PTPRD: variants seen among roughly 807,000 people sequenced by gnomAD.
The protein encoded by PTPRD is receptor-type tyrosine-protein phosphatase delta.
In PTPRD, 34 loss-of-function variants were observed where a neutral mutation model predicts 214.5. The observed-to-expected ratio is 0.16, with a 90% confidence interval of 0.12 to 0.21. The LOEUF (loss-of-function observed/expected upper bound fraction) is 0.21. Among genes scored for constraint, PTPRD ranks in the 10% least tolerant of loss-of-function variants. The probability of loss-of-function intolerance (pLI) is 1.00; values close to 1 mark genes in which losing one functional copy is unlikely to be tolerated. For synonymous variants in PTPRD, 1,128 were observed against 845.7 expected (o/e 1.33, Z -5.79); for missense variants, 2,545 against 2,398.7 (o/e 1.06, Z -1.27).
At chr9:9,788,351 A>G (rs887562751) in intron 5 of PTPRD, among the ~76,000 whole-genome samples, 1 of 151,188 alleles carries the variant, frequency 6.6e-6, no homozygotes, top group African/African-American at 2.4e-5. Context: ...GGAGATCGAG[A>G]CCATCCTGAC....
chr9:8,471,778 T>C (rs185762525), intron 30 of PTPRD, among the ~76,000 whole-genome samples: 2 of 152,180 alleles, frequency 1.3e-5, no homozygotes, highest in East Asian at 3.9e-4. Context: ...CTGAGAACAG[T>C]CAACTAAAAT....
chr9:8,976,734 A>G (rs1169560018), intron 11 of PTPRD, among the ~76,000 whole-genome samples: 1 of 152,086 alleles, frequency 6.6e-6, no homozygotes, highest in Non-Finnish European at 1.5e-5. Context: ...TTAAGAGCCA[A>G]ATGTGAATTT....
chr9:10,101,881 T>C (rs2098554853), intron 3 of PTPRD, among the ~76,000 whole-genome samples: 1 of 151,596 alleles, frequency 6.6e-6, no homozygotes, highest in African/African-American at 2.4e-5. Flanking sequence ...TGACCTGGTT[T>C]TAGGTGCTGT....
At chr9:10,151,052 T>C (rs955681425) in intron 3 of PTPRD, among the ~76,000 whole-genome samples, 10 of 135,350 alleles carry the variant, frequency 7.4e-5, no homozygotes, top group Admixed American at 1.7e-4. Flanking sequence ...CTAGACTTTT[T>C]TGTTAACTTT....
At chr9:8,398,958 CTAGTGT>C (rs1481048103) in intron 36 of PTPRD, among the ~76,000 whole-genome samples, 1 of 152,112 alleles carries the variant, frequency 6.6e-6, no homozygotes, top group East Asian at 1.9e-4. Flanking sequence ...TTAATAAGCA[CTAGTGT>C]TAAAGAATGC....
intron 3 of PTPRD, among the ~76,000 whole-genome samples, chr9:10,048,982 A>G (rs1352657705): frequency 6.6e-6 from 1 of 152,076 alleles, no homozygotes; most frequent in Non-Finnish European, 1.5e-5. Flanking sequence ...GAGCCCTGAC[A>G]CTCGGGTAGT....
chr9:10,554,751 C>T (rs895570483), intron 2 of PTPRD, among the ~76,000 whole-genome samples: 1 of 152,198 alleles, frequency 6.6e-6, no homozygotes, highest in East Asian at 1.9e-4. Context: ...AGCTCCGCCT[C>T]CCGGCTTCAC....
chr9:10,431,899 C>G (rs1354757389), intron 2 of PTPRD, among the ~76,000 whole-genome samples: 2 of 151,948 alleles, frequency 1.3e-5, no homozygotes, highest in African/African-American at 4.8e-5. Context: ...GGATCTAGAG[C>G]TAGAAATACC....
At position 9,809,544 on chromosome 9, in the gene PTPRD, G is replaced by A. The variant is rs145054531; in HGVS notation, c.-367-42693C>T. 1.9e-3 allele frequency among the ~76,000 whole-genome samples: 282 copies of A among 152,214 alleles called. 1 individual carries two copies. Among genetic ancestry groups the A allele is most frequent in the African/African-American group, 6.3e-3 (260 of 41,556 alleles). ...CTCCCAAAGTGCTGGGATTACAGGC[G>A]TGAGCCACTGCTCCCAGCAGGATCA... On this transcript the variant is annotated intron_variant, in intron 5 of 45. Transcript: ENST00000381196.
intron 11 of PTPRD, among the ~76,000 whole-genome samples, chr9:8,942,034 G>T (rs922397279): frequency 6.6e-6 from 1 of 152,146 alleles, no homozygotes; most frequent in Non-Finnish European, 1.5e-5. Flanking sequence ...TCCAATTCAT[G>T]ACCTCAGGTG....
intron 7 of PTPRD, among the ~76,000 whole-genome samples, chr9:9,624,906 G>T (rs192058350): frequency 2.0e-5 from 3 of 151,702 alleles, no homozygotes; most frequent in African/African-American, 7.3e-5. Flanking sequence ...GTGTGGCCTT[G>T]GGTTACTTAT....
intron 5 of PTPRD, among the ~76,000 whole-genome samples, chr9:9,895,488 T>G (rs1345499857): frequency 2.0e-5 from 3 of 152,070 alleles, no homozygotes; most frequent in Non-Finnish European, 4.4e-5. Context: ...AATTTTTAAG[T>G]AATTTTTCAA....
chr9:10,543,499 C>T (rs2059580615), intron 2 of PTPRD, among the ~76,000 whole-genome samples: 1 of 151,276 alleles, frequency 6.6e-6, no homozygotes, highest in Non-Finnish European at 1.5e-5. Flanking sequence ...CACACACACA[C>T]ACACACAAAC....
intron 9 of PTPRD, among the ~76,000 whole-genome samples, chr9:9,187,406 AAAATAAGTTTTG>A (rs2099932281): frequency 1.3e-5 from 2 of 152,094 alleles, no homozygotes; most frequent in African/African-American, 4.8e-5. Context: ...ATTCCAGGAA[AAAATAAGTTTTG>A]AAATACCTAA....
At chr9:8,786,617 G>C (rs1302009242) in intron 11 of PTPRD, among the ~76,000 whole-genome samples, 1 of 151,114 alleles carries the variant, frequency 6.6e-6, no homozygotes, top group African/African-American at 2.4e-5. Flanking sequence ...GTTTCACCAC[G>C]TTGGCGAGGC....
At chr9:9,196,548 C>G (rs1447483336) in intron 9 of PTPRD, among the ~76,000 whole-genome samples, 1 of 152,148 alleles carries the variant, frequency 6.6e-6, no homozygotes, top group African/African-American at 2.4e-5. Context: ...CCCATCCCTA[C>G]TCTACTTTAT....
intron 11 of PTPRD, among the ~76,000 whole-genome samples, chr9:8,864,869 C>G (rs947334377): frequency 4.6e-5 from 7 of 152,204 alleles, no homozygotes; most frequent in Non-Finnish European, 8.8e-5. Context: ...ATTTCTGCCA[C>G]TTTTCTAATG....
chr9:8,514,932 C>T (rs1037016990), intron 21 of PTPRD, among the ~76,000 whole-genome samples: 1 of 152,106 alleles, frequency 6.6e-6, no homozygotes, highest in African/African-American at 2.4e-5. Flanking sequence ...TTATAAGGGG[C>T]TCTTCCCCCT....
intron 11 of PTPRD, among the ~76,000 whole-genome samples, chr9:8,785,121 C>A (rs921306554): frequency 1.3e-5 from 2 of 152,144 alleles, no homozygotes; most frequent in Non-Finnish European, 2.9e-5. Flanking sequence ...AGGCCTCCCA[C>A]AGCCCACCAA....
Sources: gnomAD v4.1 joint callset for allele counts (sites outside exome capture counted in the v4.1 genomes callset) on GRCh38, gnomAD v4.1.1 for gene constraint, MANE v1.5 for transcripts, NCBI Gene and HGNC (gene_info 2026-07-23, HGNC 2026-07-21) for gene names.